Variants in GSE1 observed in about 807,000 individuals in gnomAD.
GSE1 encodes the protein genetic suppressor element 1.
In GSE1, 32 loss-of-function variants were observed where a neutral mutation model predicts 112.6. The observed-to-expected ratio is 0.28, with a 90% CI of 0.21 to 0.38. The LOEUF (loss-of-function observed/expected upper bound fraction) is 0.38, where lower values mean the gene tolerates loss of function less well. GSE1 is among the 10% of genes least tolerant of loss of function. The pLI is 1.00. For missense variants in GSE1, 2,348 were observed against 1,699.2 expected (o/e 1.38, Z -6.71); for synonymous variants, 1,115 against 735.6 (o/e 1.52, Z -8.35).
chr16:85,434,629 C>T (rs565048082), intron 2 of GSE1, among the ~76,000 whole-genome samples: 1 of 152,142 alleles, frequency 6.6e-6, no homozygotes, highest in Non-Finnish European at 1.5e-5. Flanking sequence ...ACCAGCCTGG[C>T]CAACATGGTA....
chr16:85,593,540 C>T (rs903802385), intron 1 of GSE1: 1 of 152,806 alleles, frequency 6.5e-6, no homozygotes, highest in Non-Finnish European at 1.5e-5. Context: ...TTCTCCTTCT[C>T]CTTCCTGCTT....
chr16:85,220,664 T>C (rs1476829449), intron 1 of GSE1, among the ~76,000 whole-genome samples: 4 of 152,162 alleles, frequency 2.6e-5, no homozygotes, highest in Admixed American at 6.5e-5. Flanking sequence ...CCCGTCTCGC[T>C]TTGTCTCTGT....
chr16:85,435,676 G>A (rs977977853), intron 2 of GSE1, among the ~76,000 whole-genome samples: 2 of 151,724 alleles, frequency 1.3e-5, no homozygotes, highest in Non-Finnish European at 2.9e-5. Flanking sequence ...AGGGAGAGAC[G>A]GTGTAGGATG....
chr16:85,553,133 C>T (rs4843631), upstream of GSE1, among the ~76,000 whole-genome samples: 39,652 of 151,240 alleles, frequency 0.26, 6,124 homozygotes, highest in South Asian at 0.44. Context: ...GCGCTCTGGC[C>T]GCCCCCCGCC....
At chr16:85,404,055 C>G (rs917346433) in intron 2 of GSE1, among the ~76,000 whole-genome samples, 7 of 152,194 alleles carry the variant, frequency 4.6e-5, no homozygotes, top group African/African-American at 1.7e-4. Flanking sequence ...AGAACTCCCT[C>G]TGCCCACCTC....
At chr16:85,325,889 C>G (rs137912923) in intron 1 of GSE1, among the ~76,000 whole-genome samples, 1 of 152,150 alleles carries the variant, frequency 6.6e-6, no homozygotes, top group Non-Finnish European at 1.5e-5. Context: ...GCTGGGATTA[C>G]AGGCGCATGC....
upstream of GSE1, among the ~76,000 whole-genome samples, chr16:85,608,336 C>A (rs1358861412): frequency 6.6e-6 from 1 of 152,136 alleles, no homozygotes; most frequent in Non-Finnish European, 1.5e-5. Flanking sequence ...GCCCCCCGCC[C>A]CTTGCCCCTG....
At chr16:85,366,428 C>G (rs138439651) in intron 2 of GSE1, among the ~76,000 whole-genome samples, 1 of 152,280 alleles carries the variant, frequency 6.6e-6, no homozygotes, top group Non-Finnish European at 1.5e-5. Context: ...CTGTTTCCCT[C>G]TCCACGACCA....
intron 1 of GSE1, among the ~76,000 whole-genome samples, chr16:85,247,936 T>C (rs996925879): frequency 3.9e-5 from 6 of 152,224 alleles, no homozygotes; most frequent in Non-Finnish European, 8.8e-5. Flanking sequence ...GGCTTCCATC[T>C]TGTCACTTCT....
At chr16:85,180,654 G>T (rs2074564434) in intron 1 of GSE1, among the ~76,000 whole-genome samples, 1 of 152,212 alleles carries the variant, frequency 6.6e-6, no homozygotes, top group African/African-American at 2.4e-5. Flanking sequence ...TAAGTCACTT[G>T]CCCAAAGTCA....
At chr16:85,410,032 GGCC>G (rs1415974607) in intron 2 of GSE1, among the ~76,000 whole-genome samples, 6 of 6,876 alleles carry the variant, frequency 8.7e-4, no homozygotes, top group South Asian at 9.4e-3. Flanking sequence ...TTACACTCAG[GGCC>G]CCCCCCGGAT....
At position 85,221,788 on chromosome 16, in the gene GSE1, G is replaced by A. The variant is rs1301637276; in HGVS notation, c.2283+49981G>A. Among the ~76,000 whole-genome samples the A allele has an allele frequency of 3.3e-5, 5 of 152,192 alleles. No individual in the cohort carries two copies. In the East Asian group the frequency reaches 5.8e-4, roughly 18 times the overall value. On this transcript the variant is annotated intron_variant, in intron 1 of 2. Coordinates refer to the GSE1 transcript ENST00000637419. ...CGGCCCCCAGACACCCTGGCATCTC[G>A]GGGTGGGGTATGGATGGCACACCCT...
intron 2 of GSE1, among the ~76,000 whole-genome samples, chr16:85,421,982 C>G (rs2048855627): frequency 6.6e-6 from 1 of 152,150 alleles, no homozygotes; most frequent in African/African-American, 2.4e-5. Flanking sequence ...TAGGTGTGAT[C>G]ATTGTCTTTC....
rs138809440 is a variant in GSE1 at position 85,599,292 on chromosome 16, C to T, written c.37+42929C>T. 5.8e-4 allele frequency among the ~76,000 whole-genome samples: 88 copies of T among 152,314 alleles called. No individual in the cohort carries two copies. In the East Asian group the frequency reaches 0.015, roughly 26 times the overall value. On this transcript the variant is annotated intron_variant, in intron 1 of 2. Coordinates refer to the GSE1 transcript ENST00000635906. ...TAAATTACAATTAATTTTTAAAAGA[C>T]GATCACGCCACAGGTCAGATGACGA...
At chr16:85,522,299 C>T (rs916927668) in intron 2 of GSE1, among the ~76,000 whole-genome samples, 1 of 152,120 alleles carries the variant, frequency 6.6e-6, no homozygotes, top group African/African-American at 2.4e-5. Context: ...GTGGTCAGGG[C>T]CGTCAGGACT....
chr16:85,651,307 C>G (rs1023385731), intron 3 of GSE1, among the ~76,000 whole-genome samples: 2 of 151,928 alleles, frequency 1.3e-5, no homozygotes, highest in East Asian at 2.0e-4. Flanking sequence ...TGACCTAGTT[C>G]CCAGGTGTCT....
chr16:85,223,263 C>T (rs1373817788), intron 1 of GSE1, among the ~76,000 whole-genome samples: 1 of 152,222 alleles, frequency 6.6e-6, no homozygotes, highest in Non-Finnish European at 1.5e-5. Flanking sequence ...TGGCTCACGC[C>T]TGTAATCCCA....
At chr16:85,310,253 GC>G (rs1313123975) in intron 1 of GSE1, among the ~76,000 whole-genome samples, 1 of 152,222 alleles carries the variant, frequency 6.6e-6, no homozygotes, top group Non-Finnish European at 1.5e-5. Flanking sequence ...GCGTGTAACT[GC>G]TGTGGGCCTC....
At chr16:85,611,809 G>A (rs985058787), upstream of GSE1, among the ~76,000 whole-genome samples, 2 of 151,872 alleles carry the variant, frequency 1.3e-5, no homozygotes, top group Non-Finnish European at 2.9e-5. Flanking sequence ...AGATGGATGG[G>A]GGGTGGCAGG....
Sources: allele counts gnomAD v4.1 joint callset (sites outside exome capture counted in the v4.1 genomes callset), GRCh38; gene constraint gnomAD v4.1.1; transcripts MANE v1.5; gene names NCBI Gene and HGNC (gene_info 2026-07-23, HGNC 2026-07-21).